COL24A1: variants seen among roughly 807,000 people sequenced by gnomAD.
The protein encoded by COL24A1 is collagen type XXIV alpha 1 chain.
A neutral mutation model predicts 253.9 loss-of-function variants in COL24A1; 224 were observed. The ratio of observed to expected loss-of-function variants is 0.88; its 90% confidence interval spans 0.79 to 0.99. The LOEUF is 0.99. Ranked by LOEUF, COL24A1 falls within the 50% of genes least tolerant of loss-of-function variation. COL24A1 has a pLI of 0.00. For synonymous variants in COL24A1, 685 were observed against 673.7 expected, an observed-to-expected ratio of 1.02 and a Z score of -0.26; for missense variants, 2,131 against 2,068.5, an observed-to-expected ratio of 1.03 and a Z score of -0.59.
At chr1:86,136,105 T>C (rs774836128) in intron 2 of COL24A1, among the ~76,000 whole-genome samples, 3 of 152,044 alleles carry the variant, frequency 2.0e-5, no homozygotes, top group Admixed American at 6.6e-5. Flanking sequence ...TCATTCTCTT[T>C]CCTCCATATC....
chr1:85,756,514 C>T (rs934607435), intron 55 of COL24A1, among the ~76,000 whole-genome samples: 3 of 152,060 alleles, frequency 2.0e-5, no homozygotes, highest in Non-Finnish European at 2.9e-5. Flanking sequence ...AATGAGATAC[C>T]GCTTCATAAC....
Position 85,818,038 on chromosome 1 carries a change from A to G in COL24A1, c.3839T>C (p.Ile1280Thr), listed in dbSNP as rs375239501. ...TGAAAGAGGCCTGTTACTTACAGGA[A>G]TCCCAGGTTTCCCAGAAGGACCAGG... ...GAPGPSGKPG[I>T]PGLQGLLGPK... The change falls in exon 46 of 60, where the codon ATT (isoleucine) becomes ACT (threonine). Residue 1280 changes from isoleucine to threonine, a missense_variant. Transcript: ENST00000370571. 3.7e-5 allele frequency: 59 copies of G among 1,613,418 alleles called. No homozygotes were observed. In the African/African-American group the frequency reaches 5.9e-4, roughly 16 times the overall value.
chr1:85,846,238 C>A (rs1301937926), intron 39 of COL24A1, among the ~76,000 whole-genome samples: 3 of 151,486 alleles, frequency 2.0e-5, no homozygotes, highest in Admixed American at 6.6e-5. Context: ...CACAAAAAAA[C>A]CAAAAACCTC....
upstream of COL24A1, chr1:86,156,980 A>G (rs1464923109): frequency 6.6e-6 from 1 of 152,234 alleles, no homozygotes; most frequent in Non-Finnish European, 1.5e-5. Context: ...TGCCTGGAAG[A>G]AGAGGAGCCA....
intron 43 of COL24A1, among the ~76,000 whole-genome samples, chr1:85,825,879 G>A (rs1674252596): frequency 3.6e-5 from 3 of 83,648 alleles, no homozygotes; most frequent in Admixed American, 1.3e-4. Flanking sequence ...TAGGTTGCCT[G>A]TTCACTCTGA....
At chr1:85,777,092 G>A (rs937194018) in intron 52 of COL24A1, among the ~76,000 whole-genome samples, 4 of 151,892 alleles carry the variant, frequency 2.6e-5, no homozygotes, top group Admixed American at 2.0e-4. Context: ...TGGGACTACA[G>A]GAGCATACCA....
At chr1:85,924,290 A>G (rs1291488294) in intron 24 of COL24A1, among the ~76,000 whole-genome samples, 2 of 152,220 alleles carry the variant, frequency 1.3e-5, no homozygotes, top group Admixed American at 1.3e-4. Flanking sequence ...AAGCAATAGA[A>G]AAAGAGGGAC....
intron 3 of COL24A1, 85 bp downstream of exon 3, chr1:86,124,760 A>G (rs1647966900): frequency 1.9e-6 from 2 of 1,057,486 alleles, no homozygotes; most frequent in Non-Finnish European, 2.6e-6. Context: ...TGTTTGGTCC[A>G]GAGAACTCTC....
chr1:86,125,748 G>C lies in COL24A1; in HGVS notation c.588C>G (p.Thr196=). The C allele has an allele frequency of 6.2e-7, 1 of 1,611,252 alleles. No individual in the cohort carries two copies. The highest frequency in any genetic ancestry group is 8.5e-7 in the Non-Finnish European group (1 of 1,178,894). ...AAGTAAACACACTATTAGAATCAAA[G>C]GTCTGAACTTCTGGAATAGTCTCTG... The part of the protein sequence containing the change: ...FSTETIPEVQ[T]FDSNSVFTLG... The change falls in exon 3 of 60, where the codon ACC becomes ACG. Residue 196 remains threonine, a synonymous_variant. Coordinates refer to ENST00000370571, the MANE Select transcript of COL24A1 (RefSeq NM_152890.7).
rs531142624 is a variant in COL24A1, at chr1:86,126,348, C to T, written c.122-134G>A. 5.3e-5 allele frequency: 39 copies of T among 742,356 alleles called. No individual in the cohort carries two copies. The South Asian group carries it at 7.2e-4, about 14-fold the overall frequency. The allele number at this position is 742,356 out of a possible 1,614,324, so 46.0% of individuals were successfully genotyped here. The stretch of plus-strand genomic sequence containing the variant: ...TAAAATAAGCATGTTCTATCAATAA[C>T]TAATTATGGGTAATAAGAAATAGGG... On this transcript the variant is annotated intron_variant, in intron 2 of 59. Transcript: ENST00000370571.
At chr1:86,143,980 G>A (rs1323799170) in intron 2 of COL24A1, among the ~76,000 whole-genome samples, 2 of 152,048 alleles carry the variant, frequency 1.3e-5, no homozygotes, top group Admixed American at 6.5e-5. Context: ...CTGATTAGAT[G>A]TTACAAATTG....
chr1:85,893,627 T>C (rs549201584), intron 31 of COL24A1, among the ~76,000 whole-genome samples: 1 of 152,234 alleles, frequency 6.6e-6, no homozygotes, highest in East Asian at 1.9e-4. Flanking sequence ...GGGAGGCAAG[T>C]ATTGTATAGG....
At chr1:86,010,520 G>A (rs1696392563) in intron 19 of COL24A1, among the ~76,000 whole-genome samples, 1 of 152,136 alleles carries the variant, frequency 6.6e-6, no homozygotes, top group Non-Finnish European at 1.5e-5. Context: ...TGATTGGAAT[G>A]CAATTCTTTC....
chr1:85,809,370 T>G (rs2101864764), intron 47 of COL24A1, among the ~76,000 whole-genome samples: 1 of 152,338 alleles, frequency 6.6e-6, no homozygotes, highest in Non-Finnish European at 1.5e-5. Context: ...TTGTCATTCT[T>G]GCTTTCAAGT....
At chr1:85,902,719 G>T (rs1684437119) in intron 28 of COL24A1, among the ~76,000 whole-genome samples, 1 of 152,160 alleles carries the variant, frequency 6.6e-6, no homozygotes, top group South Asian at 2.1e-4. Flanking sequence ...TTTCATGGAG[G>T]TAGAGAGTAG....
chr1:85,854,179 T>C (rs1373425972), intron 37 of COL24A1, among the ~76,000 whole-genome samples: 2 of 152,208 alleles, frequency 1.3e-5, no homozygotes, highest in Admixed American at 6.5e-5. Flanking sequence ...ATCTTCTGCA[T>C]ATGGCTAGCC....
intron 38 of COL24A1, among the ~76,000 whole-genome samples, chr1:85,848,912 T>G: frequency 6.6e-6 from 1 of 152,234 alleles, no homozygotes; most frequent in African/African-American, 2.4e-5. Flanking sequence ...AAAAATATTC[T>G]TGATTTGTAG....
At chr1:86,054,013 G>A (rs1403654673) in intron 10 of COL24A1, among the ~76,000 whole-genome samples, 5 of 151,934 alleles carry the variant, frequency 3.3e-5, no homozygotes, top group African/African-American at 1.2e-4. Context: ...ACTGATCTTC[G>A]ACAAAGTCGG....
At chr1:86,132,769 C>A (rs1398772411) in intron 2 of COL24A1, among the ~76,000 whole-genome samples, 2 of 152,118 alleles carry the variant, frequency 1.3e-5, no homozygotes, top group African/African-American at 4.8e-5. Context: ...GTTACTGTAG[C>A]TTTGTGGTAT....
Sources: allele counts gnomAD v4.1 joint callset (sites outside exome capture counted in the v4.1 genomes callset), GRCh38; gene constraint gnomAD v4.1.1; transcripts MANE v1.5; gene names NCBI Gene and HGNC (gene_info 2026-07-23, HGNC 2026-07-21).